NTNG1: variants seen among roughly 807,000 people sequenced by gnomAD.
NTNG1 encodes the protein netrin G1.
In NTNG1, 16 loss-of-function variants were observed where a neutral mutation model predicts 54.0. The observed-to-expected ratio is 0.30, with a 90% CI of 0.20 to 0.45. The LOEUF is 0.45. Ranked by LOEUF, NTNG1 falls within the 20% of genes least tolerant of loss-of-function variation. NTNG1 has a pLI of 1.00. For synonymous variants in NTNG1, 255 were observed against 263.1 expected, an observed-to-expected ratio of 0.97 and a Z score of 0.30; for missense variants, 530 against 678.7, an observed-to-expected ratio of 0.78 and a Z score of 2.43.
At chr1:107,439,033 A>C (rs1030191459) in intron 7 of NTNG1, among the ~76,000 whole-genome samples, 2 of 152,174 alleles carry the variant, frequency 1.3e-5, no homozygotes, top group South Asian at 4.1e-4. Flanking sequence ...ATGAAAAGAG[A>C]GAGCTACTGT....
At chr1:107,239,999 T>A (rs115846339) in intron 2 of NTNG1, among the ~76,000 whole-genome samples, 3,489 of 152,306 alleles carry the variant, frequency 0.023, 138 homozygotes, top group African/African-American at 0.08. Flanking sequence ...AGTAATCACA[T>A]ATACCTGTTG....
At chr1:107,282,008 A>T (rs986253235) in intron 2 of NTNG1, among the ~76,000 whole-genome samples, 7 of 152,168 alleles carry the variant, frequency 4.6e-5, no homozygotes, top group African/African-American at 1.7e-4. Context: ...CAGAGAAGGC[A>T]TTGAATAAAG....
intron 2 of NTNG1, among the ~76,000 whole-genome samples, chr1:107,183,931 A>T (rs1657254696): frequency 6.6e-6 from 1 of 152,044 alleles, no homozygotes; most frequent in South Asian, 2.1e-4. Flanking sequence ...CCACAATCTG[A>T]TTACTATTGC....
chr1:107,215,186 G>C (rs1414701802), intron 2 of NTNG1, among the ~76,000 whole-genome samples: 2 of 151,994 alleles, frequency 1.3e-5, no homozygotes, highest in Non-Finnish European at 2.9e-5. Flanking sequence ...TTAGATTCTT[G>C]GTCATGAAGT....
chr1:107,367,562 C>G (rs1238554823), intron 3 of NTNG1, among the ~76,000 whole-genome samples: 1 of 152,026 alleles, frequency 6.6e-6, no homozygotes, highest in Non-Finnish European at 1.5e-5. Context: ...TCTTGGCAAG[C>G]CTGGAATGTC....
chr1:107,225,381 A>C (rs1296618582), intron 2 of NTNG1, among the ~76,000 whole-genome samples: 1 of 152,184 alleles, frequency 6.6e-6, no homozygotes, highest in Non-Finnish European at 1.5e-5. Context: ...TCAAAAAAAA[A>C]AATCTTGCTT....
chr1:107,469,563 A>G (rs1422810772), intron 7 of NTNG1, among the ~76,000 whole-genome samples: 1 of 152,100 alleles, frequency 6.6e-6, no homozygotes, highest in Non-Finnish European at 1.5e-5. Flanking sequence ...ACTCAATGCA[A>G]CCTCCGTCTC....
At chr1:107,235,498 A>G (rs1166089595) in intron 2 of NTNG1, among the ~76,000 whole-genome samples, 2 of 152,196 alleles carry the variant, frequency 1.3e-5, no homozygotes, top group East Asian at 3.9e-4. Context: ...GAAAAATGCC[A>G]GGGAACCTCA....
chr1:107,481,121 C>T lies in NTNG1; in HGVS notation c.*281C>T, dbSNP rs1678685148. On this transcript the variant is annotated 3_prime_UTR_variant, in exon 8 of 8. Coordinates refer to ENST00000370068, the MANE Select transcript of NTNG1 (RefSeq NM_001113226.3). ...AGCATATTGTGGATTGGAAAGGCTG[C>T]GACAGCCCCCCAAACAGGAAAGACA... 1.1e-5 allele frequency: 5 copies of T among 436,196 alleles called. No homozygotes were observed. Among genetic ancestry groups the T allele is most frequent in the Middle Eastern group, 5.9e-4 (1 of 1,698 alleles). 27.0% of individuals were successfully genotyped at this position (436,196 alleles called of 1,614,324 possible).
At chr1:107,198,004 G>A (rs377165284) in intron 2 of NTNG1, among the ~76,000 whole-genome samples, 1 of 151,942 alleles carries the variant, frequency 6.6e-6, no homozygotes, top group African/African-American at 2.4e-5. Flanking sequence ...GAGGTGCAAT[G>A]TCAAAGGTAG....
chr1:107,344,611 G>A (rs1403122438), intron 3 of NTNG1, among the ~76,000 whole-genome samples: 1 of 152,130 alleles, frequency 6.6e-6, no homozygotes, highest in East Asian at 1.9e-4. Context: ...ACTTGATGAA[G>A]TGTTTGTCAG....
At position 107,450,464 on chromosome 1, in the gene NTNG1, T is replaced by C. The variant is rs564035845; in HGVS notation, c.1390+13665T>C. The stretch of plus-strand genomic sequence containing the variant: ...AAGATAATAAAACTATAAATGATGG[T>C]ACCCATCCTCAGAGTTTCATTGAAA... On this transcript the variant is annotated intron_variant, in intron 7 of 7. Transcript: ENST00000370068. Among the ~76,000 whole-genome samples the C allele has an allele frequency of 5.3e-5, 8 of 152,232 alleles. No individual in the cohort carries two copies. In the South Asian group the frequency reaches 1.5e-3, roughly 28 times the overall value.
intron 2 of NTNG1, among the ~76,000 whole-genome samples, chr1:107,283,754 A>G (rs951571400): frequency 2.0e-5 from 3 of 152,136 alleles, no homozygotes; most frequent in Non-Finnish European, 2.9e-5. Flanking sequence ...TGAAGAACCT[A>G]TGGTGGATCC....
At chr1:107,399,475 G>T (rs575859868) in intron 4 of NTNG1, among the ~76,000 whole-genome samples, 4 of 152,278 alleles carry the variant, frequency 2.6e-5, no homozygotes, top group Non-Finnish European at 4.4e-5. Context: ...TCCTCTGAGT[G>T]ATGGAAAGTA....
intron 7 of NTNG1, among the ~76,000 whole-genome samples, chr1:107,472,377 T>G (rs967880615): frequency 6.6e-6 from 1 of 152,156 alleles, no homozygotes; most frequent in Non-Finnish European, 1.5e-5. Flanking sequence ...TCATAAAACT[T>G]GAGAAAACTT....
chr1:107,363,573 G>A (rs115417851), intron 3 of NTNG1, among the ~76,000 whole-genome samples: 2,030 of 152,168 alleles, frequency 0.013, 18 homozygotes, highest in Non-Finnish European at 0.018. Context: ...AAAAAAACCT[G>A]CTAATAATAT....
intron 3 of NTNG1, among the ~76,000 whole-genome samples, chr1:107,362,010 G>T (rs1670330403): frequency 6.6e-6 from 1 of 152,038 alleles, no homozygotes; most frequent in African/African-American, 2.4e-5. Flanking sequence ...GGAGAGCCCT[G>T]AACAACATTG....
intron 5 of NTNG1, among the ~76,000 whole-genome samples, chr1:107,422,193 G>C (rs1435169905): frequency 6.6e-6 from 1 of 152,072 alleles, no homozygotes; most frequent in Non-Finnish European, 1.5e-5. Flanking sequence ...AACCCAATTA[G>C]GTTTGAAATT....
intron 2 of NTNG1, among the ~76,000 whole-genome samples, chr1:107,304,881 C>G (rs750424158): frequency 8.5e-5 from 13 of 152,094 alleles, no homozygotes; most frequent in Non-Finnish European, 1.9e-4. Flanking sequence ...GCTATCCCTC[C>G]CCTAGCCCTG....
Sources: gnomAD v4.1 joint callset for allele counts (sites outside exome capture counted in the v4.1 genomes callset) on GRCh38, gnomAD v4.1.1 for gene constraint, MANE v1.5 for transcripts, NCBI Gene and HGNC (gene_info 2026-07-23, HGNC 2026-07-21) for gene names.